PPARGC1A: variants seen among roughly 807,000 people sequenced by gnomAD.
PPARGC1A encodes the protein PPARG coactivator 1 alpha.
PPARGC1A carries 25 observed loss-of-function variants against 88.7 expected under a neutral mutation model. The observed-to-expected ratio is 0.28, with a 90% CI of 0.21 to 0.39. The LOEUF is 0.39. Among genes scored for constraint, PPARGC1A ranks in the 10% least tolerant of loss-of-function variants. PPARGC1A has a pLI of 1.00. For synonymous variants in PPARGC1A, 363 were observed against 355.6 expected, an observed-to-expected ratio of 1.02 and a Z score of -0.24; for missense variants, 880 against 968.7, an observed-to-expected ratio of 0.91 and a Z score of 1.22.
the PPARGC1A span, among the ~76,000 whole-genome samples, chr4:24,387,834 G>GAGAGAGAA: frequency 1.8e-4 from 16 of 87,994 alleles, no homozygotes; most frequent in African/African-American, 4.8e-4. Context: ...GAGAGAAAGA[G>GAGAGAGAA]AGAAAGAGAG....
chr4:24,337,906 C>G, the PPARGC1A span, among the ~76,000 whole-genome samples: 1 of 152,136 alleles, frequency 6.6e-6, no homozygotes, highest in Non-Finnish European at 1.5e-5. Flanking sequence ...AAGAGAGGTG[C>G]AACCCCTTCT....
the PPARGC1A span, among the ~76,000 whole-genome samples, chr4:24,326,397 A>G: frequency 6.6e-6 from 1 of 151,912 alleles, no homozygotes; most frequent in Non-Finnish European, 1.5e-5. Flanking sequence ...ATGGTGCCAA[A>G]CCCATATACT....
At chr4:24,329,402 C>G in the PPARGC1A span, among the ~76,000 whole-genome samples, 1 of 152,052 alleles carries the variant, frequency 6.6e-6, no homozygotes, top group Non-Finnish European at 1.5e-5. Context: ...TGGGGTCCTA[C>G]CTGCCTCTCC....
intron 2 of PPARGC1A, among the ~76,000 whole-genome samples, chr4:23,839,851 C>T (rs921589193): frequency 3.9e-5 from 6 of 151,984 alleles, no homozygotes; most frequent in Non-Finnish European, 8.8e-5. Context: ...ACCATTAGAT[C>T]TCGTGCGACC....
chr4:23,966,254 T>C, the PPARGC1A span, among the ~76,000 whole-genome samples: 1 of 152,194 alleles, frequency 6.6e-6, no homozygotes, highest in Non-Finnish European at 1.5e-5. Context: ...TCATTTCTCC[T>C]AAGGCAGCAA....
At chr4:24,038,279 T>C in the PPARGC1A span, among the ~76,000 whole-genome samples, 234 of 152,326 alleles carry the variant, frequency 1.5e-3, 3 homozygotes, top group East Asian at 0.034. Flanking sequence ...CCTGGATGTC[T>C]CTGTCACTTC....
intron 10 of PPARGC1A, among the ~76,000 whole-genome samples, chr4:23,809,084 G>A (rs1227042295): frequency 6.6e-6 from 1 of 151,856 alleles, no homozygotes; most frequent in East Asian, 1.9e-4. Context: ...ATTACTTTAA[G>A]GTTGTTTCAA....
chr4:24,332,960 G>C, the PPARGC1A span, among the ~76,000 whole-genome samples: 1 of 152,200 alleles, frequency 6.6e-6, no homozygotes, highest in East Asian at 1.9e-4. Context: ...TGTAATAAGA[G>C]GCCAGGCGTT....
the PPARGC1A span, among the ~76,000 whole-genome samples, chr4:24,327,174 G>A: frequency 6.6e-6 from 1 of 152,178 alleles, no homozygotes; most frequent in Non-Finnish European, 1.5e-5. Context: ...ACAAGGGACA[G>A]CCCATTTGAG....
At chr4:24,453,267 GT>G in the PPARGC1A span, among the ~76,000 whole-genome samples, 1 of 152,200 alleles carries the variant, frequency 6.6e-6, no homozygotes, top group South Asian at 2.1e-4. Flanking sequence ...AATTTCTGTT[GT>G]TTAAGACACC....
At chr4:24,402,236 G>A in the PPARGC1A span, among the ~76,000 whole-genome samples, 13 of 152,306 alleles carry the variant, frequency 8.5e-5, no homozygotes, top group East Asian at 1.7e-3. Flanking sequence ...ATGGTTGAGC[G>A]GTGGAGAGAG....
chr4:24,020,374 T>A, the PPARGC1A span, among the ~76,000 whole-genome samples: 1 of 152,200 alleles, frequency 6.6e-6, no homozygotes, highest in African/African-American at 2.4e-5. Context: ...CCCTTGCTTT[T>A]TTTGAGGGAC....
the PPARGC1A span, among the ~76,000 whole-genome samples, chr4:24,122,057 CAG>C: frequency 1.3e-5 from 2 of 152,008 alleles, no homozygotes; most frequent in South Asian, 2.1e-4. Context: ...ATACATGAGA[CAG>C]GGGAATAGGG....
chr4:24,212,267 A>G, the PPARGC1A span, among the ~76,000 whole-genome samples: 2 of 152,202 alleles, frequency 1.3e-5, no homozygotes, highest in Non-Finnish European at 2.9e-5. Flanking sequence ...TGCACATCCT[A>G]TAAAAACATT....
At chr4:24,388,064 G>A in the PPARGC1A span, among the ~76,000 whole-genome samples, 1 of 151,542 alleles carries the variant, frequency 6.6e-6, no homozygotes, top group African/African-American at 2.4e-5. Flanking sequence ...ATTACAGAAT[G>A]GAAGAAAATT....
chr4:24,139,825 T>G, the PPARGC1A span, among the ~76,000 whole-genome samples: 2 of 152,170 alleles, frequency 1.3e-5, no homozygotes, highest in African/African-American at 4.8e-5. Context: ...GCTTAAATGC[T>G]GGAACTGAGT....
the PPARGC1A span, among the ~76,000 whole-genome samples, chr4:24,312,633 CAAAAAAA>C: frequency 3.2e-5 from 4 of 126,038 alleles, no homozygotes; most frequent in South Asian, 5.1e-4. Context: ...TTTCATCAAC[CAAAAAAA>C]AAAAAAAAAA....
chr4:23,888,154 T>A (rs1392585705), intron 1 of PPARGC1A, among the ~76,000 whole-genome samples: 3 of 152,236 alleles, frequency 2.0e-5, no homozygotes, highest in African/African-American at 7.2e-5. Context: ...CCAGAGCCGC[T>A]GCCATGTAGG....
At chr4:24,233,481 G>T in the PPARGC1A span, among the ~76,000 whole-genome samples, 2 of 152,000 alleles carry the variant, frequency 1.3e-5, no homozygotes, top group Non-Finnish European at 2.9e-5. Context: ...AAGTGGCAGA[G>T]AAAAAGCTTG....
Sources: gnomAD v4.1 joint callset for allele counts (sites outside exome capture counted in the v4.1 genomes callset) on GRCh38, gnomAD v4.1.1 for gene constraint, MANE v1.5 for transcripts, NCBI Gene and HGNC (gene_info 2026-07-23, HGNC 2026-07-21) for gene names.